The following ANK2 variants were observed in gnomAD, a reference collection of about 807,000 sequenced individuals.
ANK2 encodes ankyrin-2.
Under a neutral mutation model 360.5 loss-of-function variants are expected in ANK2, and 83 were observed. The ratio of observed to expected loss-of-function variants is 0.23; its 90% confidence interval spans 0.19 to 0.28. The LOEUF is 0.28. Ranked by LOEUF, ANK2 falls within the 10% of genes least tolerant of loss-of-function variation. ANK2 has a pLI of 1.00. For missense variants in ANK2, 4,201 were observed against 4,795.7 expected (o/e 0.88, Z 3.66); for synonymous variants, 1,740 against 1,759.5 (o/e 0.99, Z 0.28).
chr4:112,878,160 A>G (rs2075674884), intron 1 of ANK2, among the ~76,000 whole-genome samples: 1 of 151,422 alleles, frequency 6.6e-6, no homozygotes. Context: ...AGACTCATCT[A>G]TCTATCTATC....
intron 1 of ANK2, among the ~76,000 whole-genome samples, chr4:113,165,329 T>C (rs2097713299): frequency 6.6e-6 from 1 of 152,224 alleles, no homozygotes; most frequent in Non-Finnish European, 1.5e-5. Flanking sequence ...CTGTGGGTAT[T>C]ATTAAATATC....
chr4:113,303,010 G>A (rs1365731051), intron 23 of ANK2, among the ~76,000 whole-genome samples, 171 bp downstream of exon 23: 1 of 151,992 alleles, frequency 6.6e-6, no homozygotes, highest in Admixed American at 6.6e-5. Flanking sequence ...AGCGGGGGCC[G>A]GGGGCAGTTC....
chr4:113,221,613 C>G (rs1035989938), intron 4 of ANK2, among the ~76,000 whole-genome samples: 3 of 150,906 alleles, frequency 2.0e-5, no homozygotes, highest in Admixed American at 2.0e-4. Flanking sequence ...GAGCCGAGAT[C>G]GTGCCACTGC....
chr4:112,771,560 G>A, the ANK2 span, among the ~76,000 whole-genome samples: 3,540 of 151,494 alleles, frequency 0.023, 118 homozygotes, highest in African/African-American at 0.08. Context: ...GGACAAAAGG[G>A]CATGATCTAA....
upstream of ANK2, among the ~76,000 whole-genome samples, chr4:113,048,744 C>T (rs1384711600): frequency 1.3e-5 from 2 of 151,978 alleles, no homozygotes; most frequent in Non-Finnish European, 2.9e-5. Flanking sequence ...AGTCAATAGA[C>T]ACAATTAGGT....
chr4:113,115,137 T>C (rs148709083), intron 1 of ANK2, among the ~76,000 whole-genome samples: 42 of 152,228 alleles, frequency 2.8e-4, no homozygotes, highest in African/African-American at 9.4e-4. Flanking sequence ...GGACAAAATG[T>C]TTGAGGTATG....
intron 2 of ANK2, among the ~76,000 whole-genome samples, chr4:112,963,364 A>C (rs376195769): frequency 1.3e-5 from 2 of 152,164 alleles, no homozygotes; most frequent in African/African-American, 4.8e-5. Flanking sequence ...TCATGCATCT[A>C]TTATTGCCTA....
chr4:112,831,364 G>A lies in ANK2; in HGVS notation c.-40+13100G>A, dbSNP rs531752774. 4.5e-4 allele frequency among the ~76,000 whole-genome samples: 68 copies of A among 152,116 alleles called. No homozygotes were observed. In the South Asian group the frequency reaches 0.014, roughly 30 times the overall value. ...TGTGTCTAGCTCAAGGTTTGTAAAC[G>A]CACCAATCAGTGCTCTGTGTCTAGC... On this transcript the variant is annotated intron_variant, in intron 1 of 30. Transcript: ENST00000503271.
At position 113,247,911 on chromosome 4, in the gene ANK2, T is replaced by C. The variant is rs577691279; in HGVS notation, c.892-1853T>C. Among the ~76,000 whole-genome samples, 26 of 152,378 alleles carry C rather than the reference T, an allele frequency of 1.7e-4. 1 individual carries two copies. The highest frequency in any genetic ancestry group is 6.3e-4 in the African/African-American group (26 of 41,594). On this transcript the variant is annotated intron_variant, in intron 9 of 45. Coordinates refer to ENST00000357077, the MANE Select transcript of ANK2 (RefSeq NM_001148.6). ...GTAAGTTATGTAGCAACTAATGCTC[T>C]GTAGTTCCACCACAGGGTGCTTTTA...
At chr4:113,068,742 A>G (rs781347807) in intron 1 of ANK2, among the ~76,000 whole-genome samples, 1 of 152,182 alleles carries the variant, frequency 6.6e-6, no homozygotes, top group Non-Finnish European at 1.5e-5. Flanking sequence ...ATGAAGTCAA[A>G]TAAGAGATGT....
chr4:112,755,890 C>G, the ANK2 span: 1 of 152,096 alleles, frequency 6.6e-6, no homozygotes, highest in African/African-American at 2.4e-5. Flanking sequence ...ATCAATTTGT[C>G]ATAAATACCA....
Position 113,336,625 on chromosome 4 carries a change from G to A in ANK2, c.3640G>A (p.Ala1214Thr), listed in dbSNP as rs766019055. 6.2e-7 allele frequency: 1 copy of A among 1,614,098 alleles called. No homozygotes were observed. The highest frequency in any genetic ancestry group is 1.7e-5 in the Admixed American group (1 of 60,008). The change falls in exon 31 of 46, where the codon GCT (alanine) becomes ACT (threonine). Residue 1214 changes from alanine (A) to threonine (T), a missense_variant. Physicochemically the swap from Ala to Thr is moderately conservative, Grantham distance 58. Coordinates refer to ENST00000357077, the MANE Select transcript of ANK2 (RefSeq NM_001148.6). The part of the protein sequence containing the change: ...ELVKKILGNK[A>T]TFSPIVTLEP... ...GGTTAAGAAGATCCTAGGCAACAAA[G>A]CTACCTTCAGCCCTATAGTCACTTT...
At chr4:113,113,045 T>G (rs1393145306) in intron 1 of ANK2, among the ~76,000 whole-genome samples, 1 of 152,174 alleles carries the variant, frequency 6.6e-6, no homozygotes, top group Non-Finnish European at 1.5e-5. Flanking sequence ...ACTCACTTAC[T>G]CAGTTTGCTT....
chr4:112,724,058 AAAAAT>A, the ANK2 span, among the ~76,000 whole-genome samples: 1 of 151,784 alleles, frequency 6.6e-6, no homozygotes, highest in South Asian at 2.1e-4. Context: ...CTAATACAGG[AAAAAT>A]CTTTTTTTTT....
intron 29 of ANK2, among the ~76,000 whole-genome samples, chr4:113,333,900 A>G (rs770706203): frequency 1.3e-5 from 2 of 152,202 alleles, no homozygotes; most frequent in Non-Finnish European, 2.9e-5. Context: ...ATATCTCAGT[A>G]TGAAAAGAGG....
At chr4:113,264,035 A>C (rs908063444) in intron 13 of ANK2, among the ~76,000 whole-genome samples, 1 of 152,190 alleles carries the variant, frequency 6.6e-6, no homozygotes, top group Non-Finnish European at 1.5e-5. Flanking sequence ...GGCATGATGC[A>C]TGGCCTACCT....
intron 14 of ANK2, among the ~76,000 whole-genome samples, chr4:113,268,285 A>G (rs183706170): frequency 1.6e-4 from 25 of 152,210 alleles, no homozygotes; most frequent in Admixed American, 1.6e-3. Context: ...TTCCAATACT[A>G]TGTTGAATAG....
chr4:112,770,620 C>T, the ANK2 span, among the ~76,000 whole-genome samples: 5 of 151,796 alleles, frequency 3.3e-5, no homozygotes, highest in African/African-American at 9.7e-5. Flanking sequence ...GCAAGAGAAT[C>T]GCTTGAACTT....
At chr4:113,377,623 A>G (rs1466631657) in intron 45 of ANK2, among the ~76,000 whole-genome samples, 1 of 152,202 alleles carries the variant, frequency 6.6e-6, no homozygotes, top group African/African-American at 2.4e-5. Flanking sequence ...CATAATATAT[A>G]TTGAAATTAT....
Sources: allele counts gnomAD v4.1 joint callset (sites outside exome capture counted in the v4.1 genomes callset), GRCh38; gene constraint gnomAD v4.1.1; transcripts MANE v1.5; gene names NCBI Gene and HGNC (gene_info 2026-07-23, HGNC 2026-07-21).